The following MAN1C1 variants were observed in gnomAD, a reference collection of about 807,000 sequenced individuals.
The protein encoded by MAN1C1 is mannosidase alpha class 1C member 1, also known as mannosyl-oligosaccharide 1,2-alpha-mannosidase IC.
Under a neutral mutation model 71.5 loss-of-function variants are expected in MAN1C1, and 49 were observed. The observed-to-expected ratio is 0.69, with a 90% confidence interval of 0.54 to 0.87. MAN1C1 has a LOEUF of 0.87. MAN1C1 is among the 40% of genes least tolerant of loss of function. The pLI, the probability that MAN1C1 is intolerant of heterozygous loss-of-function variation, is 0.00. For synonymous variants in MAN1C1, 352 were observed against 343.7 expected (o/e 1.02, Z -0.27); for missense variants, 743 against 835.0 (o/e 0.89, Z 1.36).
chr1:25,683,802 C>T (rs777955786), intron 1 of MAN1C1, among the ~76,000 whole-genome samples: 1 of 152,164 alleles, frequency 6.6e-6, no homozygotes, highest in African/African-American at 2.4e-5. Flanking sequence ...ATCCCCTGTC[C>T]CCTGCTCACC....
At chr1:25,736,915 G>A (rs1303018422) in intron 2 of MAN1C1, among the ~76,000 whole-genome samples, 3 of 152,204 alleles carry the variant, frequency 2.0e-5, no homozygotes, top group Non-Finnish European at 4.4e-5. Context: ...GATCAGAACC[G>A]GGTCTGTTTG....
chr1:25,663,708 T>C (rs564029373), intron 1 of MAN1C1, among the ~76,000 whole-genome samples: 2 of 152,152 alleles, frequency 1.3e-5, no homozygotes, highest in East Asian at 3.9e-4. Context: ...AGTGTCTGGG[T>C]TTGCCATGGC....
chr1:25,735,464 CTATATATGTGTATG>C lies in MAN1C1; in HGVS notation c.638-11192_638-11179del, dbSNP rs1454322162. On this transcript the variant is annotated intron_variant, in intron 2 of 11. Transcript: ENST00000374332. The surrounding 1 kb of genome is among the most constrained non-coding windows in gnomAD (Gnocchi z 4.6). Reference sequence around the variant, plus strand: ...TGTATGTATATATATATGTGTGTATCTATATATGTGTATGTATATATGTGTGTATATGTGTGTAT... The same window carrying C: ...TGTATGTATATATATATGTGTGTATCTATATATGTGTGTATATGTGTGTAT... 2.0e-5 allele frequency among the ~76,000 whole-genome samples: 3 copies of C among 151,532 alleles called. No individual in the cohort carries two copies. The East Asian group carries it at 5.8e-4, about 29-fold the overall frequency.
At chr1:25,658,174 G>A (rs2045795231) in intron 1 of MAN1C1, among the ~76,000 whole-genome samples, 1 of 152,230 alleles carries the variant, frequency 6.6e-6, no homozygotes, top group African/African-American at 2.4e-5. Context: ...GCTGCAGAGG[G>A]TGGGCCTTTC....
chr1:25,758,973 C>T (rs929177944), intron 6 of MAN1C1: 2 of 455,200 alleles, frequency 4.4e-6, no homozygotes, highest in Non-Finnish European at 8.1e-6. Flanking sequence ...AAGGTTCTCA[C>T]TGGTCTGCGT....
intron 1 of MAN1C1, among the ~76,000 whole-genome samples, chr1:25,650,058 G>T (rs966096987): frequency 6.6e-6 from 1 of 152,170 alleles, no homozygotes; most frequent in South Asian, 2.1e-4. Flanking sequence ...GGGGGAGGGG[G>T]CAGTGCACAG....
At chr1:25,694,722 C>T (rs950474956) in intron 2 of MAN1C1, among the ~76,000 whole-genome samples, 1 of 152,208 alleles carries the variant, frequency 6.6e-6, no homozygotes, top group African/African-American at 2.4e-5. Context: ...AGAGTTACTC[C>T]ACCAGTGTGG....
intron 2 of MAN1C1, among the ~76,000 whole-genome samples, chr1:25,743,459 G>C (rs1255389170): frequency 6.6e-6 from 1 of 152,172 alleles, no homozygotes; most frequent in African/African-American, 2.4e-5. Flanking sequence ...TTCAGGATAG[G>C]GCCTTCTCTC....
At position 25,618,105 on chromosome 1, in the gene MAN1C1, G is replaced by A; in HGVS notation, c.308G>A (p.Arg103His). Residue 103 changes from arginine to histidine, a missense_variant, in exon 1 of 12, where the codon CGC becomes CAC. By Grantham distance (29) the Arg-to-His change is conservative (BLOSUM62 0). Coordinates refer to ENST00000374332, the MANE Select transcript of MAN1C1 (RefSeq NM_020379.4). ...GACCCCAGCAGCTGGGCCAGTCCCC[G>A]CCGCAGGAAAGGGGGGCTGCGGCGC... ...EDDPSSWASP[R>H]RRKGGLRRTR... The A allele has an allele frequency of 9.9e-6, 15 of 1,511,496 alleles. No individual in the cohort carries two copies. The highest frequency in any genetic ancestry group is 1.2e-5 in the Non-Finnish European group (14 of 1,137,990). The allele number at this position is 1,511,496 out of a possible 1,614,324, so 93.6% of individuals were successfully genotyped here.
At chr1:25,665,855 C>CT (rs757054975) in intron 1 of MAN1C1, among the ~76,000 whole-genome samples, 17,367 of 96,708 alleles carry the variant, frequency 0.18, 3,104 homozygotes, top group African/African-American at 0.4. Flanking sequence ...TTGGCATTGG[C>CT]TTTTTTTTTT....
At chr1:25,632,590 G>A (rs1426270295) in intron 1 of MAN1C1, among the ~76,000 whole-genome samples, 1 of 152,052 alleles carries the variant, frequency 6.6e-6, no homozygotes, top group Admixed American at 6.6e-5. Flanking sequence ...GTAACATTAG[G>A]TTGTCAATTT....
rs1444271219 is a variant in MAN1C1 at position 25,779,791 on chromosome 1, G to A, written c.1478-1149G>A. Reference sequence around the variant, plus strand: ...TTCCTCTTCCCTGAAGCCCTCCATGGAAGAGCAGGAAGTCCTGCAAACCTC... The same window carrying A: ...TTCCTCTTCCCTGAAGCCCTCCATGAAAGAGCAGGAAGTCCTGCAAACCTC... On this transcript the variant is annotated intron_variant, in intron 9 of 11. Transcript: ENST00000374332. This position sits in a 1 kb window ranked among gnomAD's most constrained non-coding sequence, Gnocchi z 4.6. 6.6e-6 allele frequency among the ~76,000 whole-genome samples: 1 copy of A among 152,184 alleles called. No individual in the cohort carries two copies. The highest frequency in any genetic ancestry group is 1.9e-4 in the East Asian group (1 of 5,190).
At chr1:25,669,710 T>C (rs1284466364) in intron 1 of MAN1C1, among the ~76,000 whole-genome samples, 1 of 152,110 alleles carries the variant, frequency 6.6e-6, no homozygotes, top group Non-Finnish European at 1.5e-5. Flanking sequence ...AGCCTAGGAG[T>C]TTGAGGCTGC....
At chr1:25,672,810 T>C (rs953576441) in intron 1 of MAN1C1, among the ~76,000 whole-genome samples, 1 of 152,230 alleles carries the variant, frequency 6.6e-6, no homozygotes, top group African/African-American at 2.4e-5. Context: ...TTTGAGGTGA[T>C]GGGCAAAGGC....
At chr1:25,619,710 G>A (rs147572919) in intron 1 of MAN1C1, among the ~76,000 whole-genome samples, 347 of 152,300 alleles carry the variant, frequency 2.3e-3, no homozygotes, top group African/African-American at 7.2e-3. Flanking sequence ...GTGACAGCTG[G>A]AACTTGCAGT....
intron 2 of MAN1C1, among the ~76,000 whole-genome samples, chr1:25,689,418 T>G (rs2046277383): frequency 1.3e-5 from 2 of 152,190 alleles, no homozygotes; most frequent in South Asian, 4.1e-4. Context: ...GAACTAATGA[T>G]ATACTCAAAT....
intron 1 of MAN1C1, among the ~76,000 whole-genome samples, chr1:25,640,888 G>T (rs900219751): frequency 6.6e-6 from 1 of 152,192 alleles, no homozygotes; most frequent in Non-Finnish European, 1.5e-5. Flanking sequence ...AGCCAAGGGA[G>T]ACCAACATTA....
chr1:25,758,734 C>G (rs1484851854), intron 6 of MAN1C1, 25 bp downstream of exon 6: 2 of 1,592,164 alleles, frequency 1.3e-6, no homozygotes, highest in Non-Finnish European at 1.7e-6. Flanking sequence ...CACCCTTCTT[C>G]CTGCGGAGCA....
chr1:25,754,897 AT>A (rs1163687581), intron 5 of MAN1C1, among the ~76,000 whole-genome samples: 1 of 152,168 alleles, frequency 6.6e-6, no homozygotes, highest in East Asian at 1.9e-4. Flanking sequence ...ATTCATGTAT[AT>A]TTCCTGGCAA....
Sources: allele counts gnomAD v4.1 joint callset (sites outside exome capture counted in the v4.1 genomes callset), GRCh38; gene constraint gnomAD v4.1.1; non-coding constraint Gnocchi (gnomAD v3.1); transcripts MANE v1.5; gene names NCBI Gene and HGNC (gene_info 2026-07-23, HGNC 2026-07-21).